SYCP1: variants seen among roughly 807,000 people sequenced by gnomAD.
The protein encoded by SYCP1 is synaptonemal complex protein 1, also known as cancer/testis antigen 8.
Under a neutral mutation model 153.1 loss-of-function variants are expected in SYCP1, and 64 were observed. That is an observed-to-expected ratio of 0.42 (90% CI 0.34 to 0.51). The LOEUF (loss-of-function observed/expected upper bound fraction) is 0.51, where lower values mean the gene tolerates loss of function less well. Ranked by LOEUF, SYCP1 falls within the 20% of genes least tolerant of loss-of-function variation. The pLI is 0.06. For missense variants in SYCP1, 997 were observed against 1,049.0 expected (o/e 0.95, Z 0.68); for synonymous variants, 384 against 341.8 (o/e 1.12, Z -1.36).
chr1:114,855,507 T>C lies in SYCP1; in HGVS notation c.43T>C (p.Ser15Pro), dbSNP rs1663875695. 4 of 1,612,662 alleles carry C rather than the reference T, an allele frequency of 2.5e-6. No individual in the cohort carries two copies. The Admixed American group carries it at 5.0e-5, about 20-fold the overall frequency. ...CTTTGCATTGTTCGTACCACCGAGA[T>C]CAAGCAGCAGTCAGGTGTCTGCGGT... ...KPFALFVPPR[S>P]SSSQVSAVKP... is the part of the protein sequence containing the mutation. Residue 15 changes from serine to proline, a missense_variant, in exon 2 of 32, where the codon TCA (serine) becomes CCA (proline). Ser to Pro is a moderately conservative substitution (Grantham distance 74). Around this residue, in one of 2 missense-constraint regions of SYCP1, gnomAD observed 285 missense variants for 366.1 expected, o/e 0.78. Coordinates refer to ENST00000369522, the MANE Select transcript of SYCP1 (RefSeq NM_003176.4).
chr1:114,921,535 C>T (rs1052320961), intron 20 of SYCP1, among the ~76,000 whole-genome samples: 9 of 151,194 alleles, frequency 6.0e-5, no homozygotes, highest in Admixed American at 3.3e-4. Flanking sequence ...AAAAATTAGC[C>T]GGGTGTGGTG....
chr1:114,978,009 T>A (rs1672915459), intron 28 of SYCP1, among the ~76,000 whole-genome samples: 1 of 151,568 alleles, frequency 6.6e-6, no homozygotes, highest in African/African-American at 2.4e-5. Flanking sequence ...TAATTTTGGG[T>A]TTTGAGGGGG....
intron 30 of SYCP1, among the ~76,000 whole-genome samples, chr1:114,991,639 T>C (rs758398350): frequency 1.3e-5 from 2 of 151,754 alleles, no homozygotes; most frequent in African/African-American, 2.4e-5. Flanking sequence ...AAATTAGGAA[T>C]AGAGGGAAAT....
intron 16 of SYCP1, among the ~76,000 whole-genome samples, chr1:114,899,226 G>C (rs1667260169): frequency 6.6e-6 from 1 of 152,194 alleles, no homozygotes. Context: ...AGAGGAACCA[G>C]GCAGAGAGAA....
chr1:114,905,106 A>G (rs1158990181), intron 16 of SYCP1, among the ~76,000 whole-genome samples: 1 of 151,986 alleles, frequency 6.6e-6, no homozygotes, highest in Non-Finnish European at 1.5e-5. Flanking sequence ...GAGGATTTTT[A>G]TATTTGAGTT....
intron 16 of SYCP1, among the ~76,000 whole-genome samples, chr1:114,903,179 A>T (rs1443617922): frequency 6.6e-6 from 1 of 152,134 alleles, no homozygotes; most frequent in Non-Finnish European, 1.5e-5. Flanking sequence ...ACCCTGTCTG[A>T]AGAACAAAAA....
chr1:114,955,425 A>C, intron 27 of SYCP1, among the ~76,000 whole-genome samples: 1 of 152,140 alleles, frequency 6.6e-6, no homozygotes, highest in East Asian at 1.9e-4. Flanking sequence ...TGAGTCTGGA[A>C]GTGTTTTCCT....
rs766764505 is a variant in SYCP1 at position 114,860,814 on chromosome 1, A to G, written c.598+5A>G. On this transcript the variant is annotated splice_donor_5th_base_variant and intron_variant, in intron 8 of 31. Coordinates refer to ENST00000369522, the MANE Select transcript of SYCP1 (RefSeq NM_003176.4). ...CTGCAGAAAAGACAAAGAAATGTAA[A>G]TATCTTTCTTGTTTTATGTGATTTT... The G allele has an allele frequency of 1.3e-6, 2 of 1,569,956 alleles. No homozygotes were observed. Among genetic ancestry groups the G allele is most frequent in the Admixed American group, 3.8e-5 (2 of 53,224 alleles).
chr1:114,859,018 T>C (rs965747655), intron 6 of SYCP1, among the ~76,000 whole-genome samples: 1 of 152,224 alleles, frequency 6.6e-6, no homozygotes, highest in African/African-American at 2.4e-5. Context: ...TGATGTTTTA[T>C]GTAAATATAT....
chr1:114,954,401 G>A (rs1016081495), intron 27 of SYCP1, among the ~76,000 whole-genome samples: 2 of 151,598 alleles, frequency 1.3e-5, no homozygotes, highest in African/African-American at 4.8e-5. Context: ...TTATTTATTA[G>A]CTCTACAATG....
chr1:114,949,934 T>C (rs890954018), intron 27 of SYCP1, among the ~76,000 whole-genome samples: 13 of 152,196 alleles, frequency 8.5e-5, no homozygotes, highest in African/African-American at 3.1e-4. Flanking sequence ...TGAAAAAATA[T>C]ATAAACACAA....
At chr1:114,888,219 C>G (rs1666446928) in intron 15 of SYCP1, among the ~76,000 whole-genome samples, 1 of 151,682 alleles carries the variant, frequency 6.6e-6, no homozygotes, top group African/African-American at 2.4e-5. Context: ...TTCTAATAAC[C>G]TATGCTTCAT....
intron 27 of SYCP1, among the ~76,000 whole-genome samples, chr1:114,969,070 A>G (rs1672316190): frequency 6.6e-6 from 1 of 152,030 alleles, no homozygotes; most frequent in Non-Finnish European, 1.5e-5. Context: ...CCAGAGGGGC[A>G]CTCGCCAGAT....
At chr1:114,861,730 A>C (rs1664387051) in intron 8 of SYCP1, among the ~76,000 whole-genome samples, 1 of 152,012 alleles carries the variant, frequency 6.6e-6, no homozygotes, top group Non-Finnish European at 1.5e-5. Flanking sequence ...CAAAGTGCTC[A>C]ATAAATGTTG....
At chr1:114,858,423 T>C (rs1490717375) in intron 5 of SYCP1, 124 bp from the exon 6 acceptor site, 8 of 695,592 alleles carry the variant, frequency 1.2e-5, no homozygotes, top group South Asian at 3.1e-5. Context: ...CAGTATGCTA[T>C]TAGTGCTTAA....
At chr1:114,920,401 A>G (rs1668788811) in intron 20 of SYCP1, among the ~76,000 whole-genome samples, 1 of 152,084 alleles carries the variant, frequency 6.6e-6, no homozygotes, top group South Asian at 2.1e-4. Flanking sequence ...GGCTTAACGT[A>G]TGGTCTGTCC....
At chr1:114,974,978 C>G (rs1190431548) in intron 27 of SYCP1, among the ~76,000 whole-genome samples, 1 of 151,810 alleles carries the variant, frequency 6.6e-6, no homozygotes, top group Non-Finnish European at 1.5e-5. Flanking sequence ...TTCTCCACAT[C>G]CACATCAGCA....
intron 25 of SYCP1, among the ~76,000 whole-genome samples, chr1:114,945,637 C>G (rs1670659477): frequency 6.6e-6 from 1 of 152,098 alleles, no homozygotes; most frequent in South Asian, 2.1e-4. Flanking sequence ...CAGCATCTGT[C>G]CTTATTGATA....
chr1:114,911,802 G>A (rs1363179181), intron 18 of SYCP1, among the ~76,000 whole-genome samples: 3 of 152,024 alleles, frequency 2.0e-5, no homozygotes, highest in African/African-American at 7.2e-5. Flanking sequence ...AACCACTTTA[G>A]ATCAATGTGT....
Sources: gnomAD v4.1 joint callset for allele counts (sites outside exome capture counted in the v4.1 genomes callset) on GRCh38, gnomAD v4.1.1 for gene constraint, gnomAD v4.1.1 regional missense constraint, MANE v1.5 for transcripts, NCBI Gene and HGNC (gene_info 2026-07-23, HGNC 2026-07-21) for gene names.